The following TENM4 variants were observed in gnomAD, a reference collection of about 807,000 sequenced individuals.
The protein encoded by TENM4 is teneurin-4.
A neutral mutation model predicts 243.3 loss-of-function variants in TENM4; 82 were observed. That is an observed-to-expected ratio of 0.34 (90% CI 0.28 to 0.40). The LOEUF (loss-of-function observed/expected upper bound fraction) is 0.40, where lower values mean the gene tolerates loss of function less well. Among genes scored for constraint, TENM4 ranks in the 10% least tolerant of loss-of-function variants. The pLI, the probability that TENM4 is intolerant of heterozygous loss-of-function variation, is 1.00. For missense variants in TENM4, 3,138 were observed against 3,673.3 expected, an observed-to-expected ratio of 0.85 and a Z score of 3.77; for synonymous variants, 1,412 against 1,456.3, an observed-to-expected ratio of 0.97 and a Z score of 0.69.
chr11:78,938,645 C>T (rs914414140), intron 6 of TENM4, among the ~76,000 whole-genome samples: 2 of 151,958 alleles, frequency 1.3e-5, no homozygotes, highest in Admixed American at 6.6e-5. Flanking sequence ...AGAAACAATC[C>T]TGATGAACAA....
intron 1 of TENM4, among the ~76,000 whole-genome samples, chr11:79,355,127 C>T (rs2135483849): frequency 6.6e-6 from 1 of 152,348 alleles, no homozygotes; most frequent in African/African-American, 2.4e-5. Flanking sequence ...GCTCACCTGC[C>T]TTTACCAATC....
intron 3 of TENM4, among the ~76,000 whole-genome samples, chr11:79,182,092 G>A (rs78125787): frequency 7.9e-5 from 12 of 152,132 alleles, no homozygotes; most frequent in Non-Finnish European, 1.2e-4. Flanking sequence ...TTGACAAAAT[G>A]AGTCTATACT....
At chr11:78,778,419 C>T (rs1856778969) in intron 17 of TENM4, among the ~76,000 whole-genome samples, 183 bp downstream of exon 17, 1 of 152,118 alleles carries the variant, frequency 6.6e-6, no homozygotes, top group Non-Finnish European at 1.5e-5. Flanking sequence ...TATCAACCAC[C>T]TTGTGACCGA....
chr11:79,203,917 A>G (rs1368036559), intron 3 of TENM4, among the ~76,000 whole-genome samples: 7 of 152,282 alleles, frequency 4.6e-5, no homozygotes, highest in Non-Finnish European at 5.9e-5. Flanking sequence ...GTACTAACAC[A>G]TACTACAACC....
At chr11:78,875,329 G>A (rs1198482668) in intron 9 of TENM4, among the ~76,000 whole-genome samples, 3 of 152,066 alleles carry the variant, frequency 2.0e-5, no homozygotes, top group African/African-American at 4.8e-5. Context: ...TCAGCCTCTC[G>A]AGTAGTTGAG....
At chr11:78,848,533 T>G (rs1326714288) in intron 12 of TENM4, among the ~76,000 whole-genome samples, 1 of 152,148 alleles carries the variant, frequency 6.6e-6, no homozygotes, top group Non-Finnish European at 1.5e-5. Flanking sequence ...ATGTAAAAAT[T>G]TCACCCATTC....
chr11:79,403,602 T>G (rs1394946363), intron 1 of TENM4, among the ~76,000 whole-genome samples: 1 of 152,150 alleles, frequency 6.6e-6, no homozygotes, highest in Non-Finnish European at 1.5e-5. Context: ...TGTTCCACTG[T>G]CATGTAATTG....
intron 4 of TENM4, among the ~76,000 whole-genome samples, chr11:79,131,585 A>G (rs1310828895): frequency 6.6e-6 from 1 of 152,226 alleles, no homozygotes; most frequent in Non-Finnish European, 1.5e-5. Context: ...TCTTTAAAGC[A>G]TAAATCACAC....
chr11:79,304,790 C>G (rs1477101533), intron 1 of TENM4, among the ~76,000 whole-genome samples: 1 of 152,192 alleles, frequency 6.6e-6, no homozygotes, highest in Non-Finnish European at 1.5e-5. Flanking sequence ...TCACAGCTGC[C>G]TCCGCTGCAG....
At chr11:78,923,440 T>G (rs114355897) in intron 6 of TENM4, among the ~76,000 whole-genome samples, 59 of 152,276 alleles carry the variant, frequency 3.9e-4, no homozygotes, top group African/African-American at 1.3e-3. Context: ...CCTGAGCCAA[T>G]GAGTGTTTCA....
intron 12 of TENM4, among the ~76,000 whole-genome samples, chr11:78,815,385 C>CA (rs11349058): frequency 0.014 from 2,045 of 145,098 alleles, 24 homozygotes; most frequent in African/African-American, 0.041. Context: ...GACTGTGTCT[C>CA]AAAAAAAAAA....
At chr11:78,867,734 C>T (rs1859018807) in intron 9 of TENM4, among the ~76,000 whole-genome samples, 1 of 152,076 alleles carries the variant, frequency 6.6e-6, no homozygotes, top group Non-Finnish European at 1.5e-5. Flanking sequence ...GTTGAAAAAA[C>T]ATTACTGGAG....
intron 12 of TENM4, among the ~76,000 whole-genome samples, chr11:78,816,457 G>A (rs1049477801): frequency 7.9e-5 from 12 of 152,230 alleles, no homozygotes; most frequent in Non-Finnish European, 1.5e-4. Flanking sequence ...GGCGACTCTA[G>A]CTATGGGTTC....
At chr11:79,086,748 C>T (rs923075377) in intron 4 of TENM4, among the ~76,000 whole-genome samples, 6 of 147,164 alleles carry the variant, frequency 4.1e-5, no homozygotes, top group Middle Eastern at 7.4e-3. Context: ...GCAGTGGGAT[C>T]GCTTGAACCT....
intron 1 of TENM4, among the ~76,000 whole-genome samples, chr11:79,426,695 T>C (rs1859061644): frequency 6.6e-6 from 1 of 152,042 alleles, no homozygotes; most frequent in African/African-American, 2.4e-5. Context: ...ACTCCAAAAT[T>C]TGAGGCCTGT....
In TENM4 at chr11:78,712,682, G is replaced by T. The variant is rs1859427986; in HGVS notation, c.3854C>A (p.Thr1285Lys). 6.2e-7 allele frequency: 1 copy of T among 1,613,940 alleles called. No homozygotes were observed. Among genetic ancestry groups the T allele is most frequent in the Non-Finnish European group, 8.5e-7 (1 of 1,179,910 alleles). ...HSPAHKYYLA[T>K]DPMSGAVFLS... is the part of the protein sequence containing the mutation. ...GAAGACGGCCCCACTCATGGGGTCT[G>T]TGGCCAGGTAGTATTTGTGTGCTGG... Residue 1285 changes from threonine to lysine, a missense_variant, in exon 26 of 34, where the codon ACA becomes AAA. Physicochemically the swap from Thr to Lys is moderately conservative, Grantham distance 78. Coordinates refer to ENST00000278550, the MANE Select transcript of TENM4 (RefSeq NM_001098816.3).
intron 1 of TENM4, among the ~76,000 whole-genome samples, chr11:79,378,898 A>G (rs1857945540): frequency 6.6e-6 from 1 of 151,870 alleles, no homozygotes; most frequent in Non-Finnish European, 1.5e-5. Flanking sequence ...AAAAAAAAAA[A>G]AAAAAAGGAA....
intron 6 of TENM4, among the ~76,000 whole-genome samples, chr11:79,015,379 G>A (rs535376347): frequency 4.4e-4 from 67 of 152,234 alleles, no homozygotes; most frequent in African/African-American, 1.4e-3. Context: ...CCTTAGGTAC[G>A]AGGAATGCTA....
intron 1 of TENM4, among the ~76,000 whole-genome samples, chr11:79,355,915 T>C (rs555464095): frequency 6.6e-6 from 1 of 152,260 alleles, no homozygotes; most frequent in South Asian, 2.1e-4. Context: ...ATATTAGAAA[T>C]GAAAATTACT....
Sources: allele counts gnomAD v4.1 joint callset (sites outside exome capture counted in the v4.1 genomes callset), GRCh38; gene constraint gnomAD v4.1.1; transcripts MANE v1.5; gene names NCBI Gene and HGNC (gene_info 2026-07-23, HGNC 2026-07-21).